Variants in POLN observed in about 807,000 individuals in gnomAD.
POLN encodes DNA polymerase nu, also known as DNA polymerase N.
A neutral mutation model predicts 113.5 loss-of-function variants in POLN; 108 were observed. The ratio of observed to expected loss-of-function variants is 0.95; its 90% CI spans 0.81 to 1.12. The LOEUF (loss-of-function observed/expected upper bound fraction) is 1.12. Ranked by LOEUF, POLN falls within the 50% of genes most tolerant of loss-of-function variation. The pLI is 0.00. For synonymous variants in POLN, 386 were observed against 391.5 expected (o/e 0.99, Z 0.17); for missense variants, 1,097 against 1,077.1 (o/e 1.02, Z -0.26).
chr4:2,190,862 T>C (rs374811134), intron 7 of POLN, among the ~76,000 whole-genome samples: 1 of 152,118 alleles, frequency 6.6e-6, no homozygotes, highest in South Asian at 2.1e-4. Context: ...ATCAAAAAGA[T>C]AGGGAATAAC....
At chr4:2,206,489 A>G (rs1402574143) in intron 5 of POLN, among the ~76,000 whole-genome samples, 7 of 152,248 alleles carry the variant, frequency 4.6e-5, no homozygotes. Flanking sequence ...AAATTTTCAC[A>G]ATCCATACAT....
intron 20 of POLN, among the ~76,000 whole-genome samples, chr4:2,091,401 G>A (rs1219107184): frequency 6.6e-6 from 1 of 152,074 alleles, no homozygotes; most frequent in Non-Finnish European, 1.5e-5. Context: ...CAGCAGGGAC[G>A]AGAGACTGAG....
chr4:2,162,415 A>C (rs1732621025), intron 13 of POLN, among the ~76,000 whole-genome samples: 1 of 151,864 alleles, frequency 6.6e-6, no homozygotes, highest in Admixed American at 6.6e-5. Flanking sequence ...GAAGGAACAA[A>C]CTCCAGACGC....
At chr4:2,108,834 A>T (rs975894400) in intron 19 of POLN, among the ~76,000 whole-genome samples, 1 of 152,154 alleles carries the variant, frequency 6.6e-6, no homozygotes, top group Non-Finnish European at 1.5e-5. Flanking sequence ...ATGGCACACT[A>T]ATCCTCAAAA....
intron 6 of POLN, 138 bp from the exon 7 acceptor site, chr4:2,193,454 A>G (rs1288430169): frequency 6.8e-6 from 4 of 587,108 alleles, no homozygotes; most frequent in Non-Finnish European, 1.2e-5. Flanking sequence ...CCAAGAGGTC[A>G]CTGTTATTTA....
chr4:2,192,421 C>T (rs1346311753), intron 7 of POLN, among the ~76,000 whole-genome samples: 2 of 151,868 alleles, frequency 1.3e-5, no homozygotes, highest in East Asian at 3.9e-4. Flanking sequence ...CTCACTGCAA[C>T]CTCCACCTCC....
intron 19 of POLN, among the ~76,000 whole-genome samples, chr4:2,097,179 G>A (rs1346964820): frequency 6.6e-6 from 1 of 152,206 alleles, no homozygotes; most frequent in Admixed American, 6.5e-5. Flanking sequence ...ACAAGTGCCT[G>A]TGGCAGCCCT....
At chr4:2,103,379 G>A (rs1038313092) in intron 19 of POLN, among the ~76,000 whole-genome samples, 5 of 152,004 alleles carry the variant, frequency 3.3e-5, no homozygotes, top group Non-Finnish European at 5.9e-5. Flanking sequence ...GAACTTGAAG[G>A]CAGGTCTTTT....
At chr4:2,135,858 C>T (rs755350178) in intron 16 of POLN, among the ~76,000 whole-genome samples, 1 of 152,222 alleles carries the variant, frequency 6.6e-6, no homozygotes, top group Non-Finnish European at 1.5e-5. Context: ...GCAGGGGAAC[C>T]GTTCGTGGAA....
intron 19 of POLN, among the ~76,000 whole-genome samples, chr4:2,111,594 T>A (rs1028899202): frequency 2.0e-5 from 3 of 152,014 alleles, no homozygotes; most frequent in African/African-American, 4.8e-5. Flanking sequence ...TATACACCAA[T>A]AACAGACAAA....
At chr4:2,094,422 G>GCT (rs985194519) in intron 20 of POLN, among the ~76,000 whole-genome samples, 16 of 147,472 alleles carry the variant, frequency 1.1e-4, no homozygotes, top group African/African-American at 4.0e-4. Context: ...CCCCAGTCAA[G>GCT]CCACAGATGT....
rs753833117 is a variant in POLN at position 2,179,405 on chromosome 4, G to A, written c.1082C>T (p.Ala361Val). ...IAAWLIDPSD[A>V]TPSFEDLVEK... ...TACTAAATCTTCAAAAGAGGGTGTG[G>A]CATCACTAGGATCTATAAGCCATGC... The change falls in exon 8 of 26, where the codon GCC becomes GTC. Residue 361 changes from alanine to valine, a missense_variant. Physicochemically the swap from Ala to Val is moderately conservative, Grantham distance 64. Transcript: ENST00000511885. 1 of 1,613,406 alleles carries A rather than the reference G, an allele frequency of 6.2e-7. No homozygotes were observed. Among genetic ancestry groups the A allele is most frequent in the East Asian group, 2.2e-5 (1 of 44,860 alleles).
intron 16 of POLN, among the ~76,000 whole-genome samples, chr4:2,147,365 G>T (rs1343812935): frequency 6.6e-6 from 1 of 152,162 alleles, no homozygotes; most frequent in African/African-American, 2.4e-5. Flanking sequence ...TTCCCATGAG[G>T]AGGCCTTCGT....
At chr4:2,183,776 C>A (rs1733202253) in intron 7 of POLN, among the ~76,000 whole-genome samples, 2 of 152,110 alleles carry the variant, frequency 1.3e-5, no homozygotes, top group Admixed American at 1.3e-4. Context: ...ACTTGAAAAA[C>A]CCCTGAATTG....
intron 9 of POLN, among the ~76,000 whole-genome samples, chr4:2,175,124 A>C (rs1732963695): frequency 6.6e-6 from 1 of 152,166 alleles, no homozygotes; most frequent in South Asian, 2.1e-4. Flanking sequence ...GCACCCAACC[A>C]AAAAGCCTAA....
intron 16 of POLN, among the ~76,000 whole-genome samples, chr4:2,144,405 A>G (rs997129809): frequency 5.9e-5 from 9 of 152,066 alleles, no homozygotes; most frequent in African/African-American, 1.9e-4. Flanking sequence ...AGCCTCCCCA[A>G]GTGCCGGGAT....
At chr4:2,200,357 A>G (rs1425507384) in intron 5 of POLN, among the ~76,000 whole-genome samples, 2 of 152,218 alleles carry the variant, frequency 1.3e-5, no homozygotes, top group Non-Finnish European at 2.9e-5. Context: ...GGACAGACAG[A>G]GCAGAGTGTG....
intron 24 of POLN, among the ~76,000 whole-genome samples, 169 bp from the exon 25 acceptor site, chr4:2,073,198 G>A (rs980723489): frequency 6.6e-6 from 1 of 152,120 alleles, no homozygotes; most frequent in Admixed American, 6.5e-5. Context: ...TGCCCACAAG[G>A]AGCCCCTGAG....
chr4:2,193,018 C>A (rs1026138701), intron 7 of POLN, among the ~76,000 whole-genome samples, 186 bp downstream of exon 7: 1 of 151,866 alleles, frequency 6.6e-6, no homozygotes, highest in East Asian at 1.9e-4. Context: ...TGTAAAAATT[C>A]AAATAACCTA....
Sources: gnomAD v4.1 joint callset for allele counts (sites outside exome capture counted in the v4.1 genomes callset) on GRCh38, gnomAD v4.1.1 for gene constraint, MANE v1.5 for transcripts, NCBI Gene and HGNC (gene_info 2026-07-23, HGNC 2026-07-21) for gene names.